CNBD1: variants seen among roughly 807,000 people sequenced by gnomAD.
CNBD1 encodes the protein cyclic nucleotide binding domain containing 1.
A neutral mutation model predicts 54.4 loss-of-function variants in CNBD1; 71 were observed. The observed-to-expected ratio is 1.30, with a 90% CI of 1.08 to 1.59. The LOEUF (loss-of-function observed/expected upper bound fraction) is 1.59. Ranked by LOEUF, CNBD1 falls within the 40% of genes most tolerant of loss-of-function variation. The pLI is 0.00. For synonymous variants in CNBD1, 182 were observed against 170.7 expected (o/e 1.07, Z -0.51); for missense variants, 659 against 518.0 (o/e 1.27, Z -2.64).
chr8:87,129,170 T>G (rs1317675924), intron 4 of CNBD1, among the ~76,000 whole-genome samples: 2 of 151,464 alleles, frequency 1.3e-5, no homozygotes, highest in Non-Finnish European at 2.9e-5. Context: ...ATCAGAATCA[T>G]TCTAGTTTCA....
chr8:87,227,128 G>C (rs1467996027), intron 5 of CNBD1, among the ~76,000 whole-genome samples: 2 of 152,240 alleles, frequency 1.3e-5, no homozygotes, highest in East Asian at 1.9e-4. Context: ...TTGAGCCCAT[G>C]TGTGTCTCTG....
chr8:87,146,745 T>C (rs1812498647), intron 4 of CNBD1, among the ~76,000 whole-genome samples: 1 of 152,160 alleles, frequency 6.6e-6, no homozygotes, highest in African/African-American at 2.4e-5. Context: ...AATCTTTTAA[T>C]TTTTCCATCT....
intron 2 of CNBD1, 87 bp downstream of exon 2, chr8:86,887,698 G>A: frequency 2.2e-6 from 2 of 925,914 alleles, no homozygotes; most frequent in East Asian, 5.4e-5. Flanking sequence ...ATAAACCATT[G>A]CTGGCTCTCA....
chr8:87,032,062 T>A (rs73273699), intron 4 of CNBD1, among the ~76,000 whole-genome samples: 4,566 of 152,272 alleles, frequency 0.03, 239 homozygotes, highest in African/African-American at 0.1. Context: ...TTTATATATC[T>A]CTAAACAAAA....
At chr8:87,356,983 C>G (rs1810432787) in intron 10 of CNBD1, among the ~76,000 whole-genome samples, 1 of 152,188 alleles carries the variant, frequency 6.6e-6, no homozygotes, top group Non-Finnish European at 1.5e-5. Context: ...TGGGCTCAAA[C>G]AGCCCCAGAT....
At chr8:86,914,590 A>G (rs1488098900) in intron 3 of CNBD1, among the ~76,000 whole-genome samples, 1 of 152,216 alleles carries the variant, frequency 6.6e-6, no homozygotes, top group African/African-American at 2.4e-5. Context: ...TTACTCAATT[A>G]ATCAAAATGA....
In CNBD1 at chr8:87,186,170, A is replaced by G. The variant is rs530900287; in HGVS notation, c.432-19823A>G. On this transcript the variant is annotated intron_variant, in intron 4 of 10. Transcript: ENST00000518476. ...TTTATTCTAATTTTAATTTTTTTCT[A>G]TAGTAATTTGGATTGACATATAATT... Among the ~76,000 whole-genome samples the G allele has an allele frequency of 1.8e-4, 27 of 152,188 alleles. No homozygotes were observed. The East Asian group carries it at 2.7e-3, about 15-fold the overall frequency.
At chr8:87,170,261 C>T (rs180834577) in intron 4 of CNBD1, among the ~76,000 whole-genome samples, 2 of 152,114 alleles carry the variant, frequency 1.3e-5, no homozygotes, top group South Asian at 2.1e-4. Flanking sequence ...GATTTTATAA[C>T]CTGCAACTTT....
intron 3 of CNBD1, among the ~76,000 whole-genome samples, chr8:86,910,855 G>T (rs1809090097): frequency 6.6e-6 from 1 of 152,184 alleles, no homozygotes; most frequent in Non-Finnish European, 1.5e-5. Flanking sequence ...GGTCCCAAGT[G>T]GGTCTTCTGG....
At chr8:87,218,978 G>GA (rs1344463986) in intron 5 of CNBD1, among the ~76,000 whole-genome samples, 1 of 151,794 alleles carries the variant, frequency 6.6e-6, no homozygotes, top group East Asian at 1.9e-4. Context: ...ATCCTTTACT[G>GA]AAAAAAGTCA....
At chr8:87,314,796 A>G (rs1457817743) in intron 8 of CNBD1, among the ~76,000 whole-genome samples, 1 of 152,004 alleles carries the variant, frequency 6.6e-6, no homozygotes, top group Non-Finnish European at 1.5e-5. Flanking sequence ...CCCAAATACT[A>G]AATATCTAGA....
Position 87,427,565 on chromosome 8 carries a change from C to T in CNBD1, c.214-981C>T, listed in dbSNP as rs569586414. Among the ~76,000 whole-genome samples, 15 of 152,108 alleles carry T rather than the reference C, an allele frequency of 9.9e-5. No homozygotes were observed. In the South Asian group the frequency reaches 3.1e-3, roughly 32 times the overall value. ...GAATAAAAATGATCAAAACAGTTTG[C>T]CCAACTATCTGAATGAGTTGTGCAC... On this transcript the variant is annotated intron_variant, in intron 2 of 7. Transcript: ENST00000521593.
At chr8:86,960,937 G>T (rs1453002630) in intron 4 of CNBD1, among the ~76,000 whole-genome samples, 1 of 152,220 alleles carries the variant, frequency 6.6e-6, no homozygotes, top group Non-Finnish European at 1.5e-5. Flanking sequence ...CTGTTAGAAG[G>T]AAAACTAACA....
chr8:87,273,789 T>C (rs1242900599), intron 6 of CNBD1, among the ~76,000 whole-genome samples: 1 of 152,096 alleles, frequency 6.6e-6, no homozygotes, highest in Non-Finnish European at 1.5e-5. Context: ...TAAATTATTA[T>C]ACTTTAAGTT....
intron 5 of CNBD1, among the ~76,000 whole-genome samples, chr8:87,222,309 A>C (rs1814357921): frequency 6.6e-6 from 1 of 152,090 alleles, no homozygotes; most frequent in South Asian, 2.1e-4. Flanking sequence ...TTATTCGACG[A>C]GTGTTTTTGC....
intron 4 of CNBD1, among the ~76,000 whole-genome samples, chr8:87,160,570 G>A (rs577959850): frequency 1.3e-5 from 2 of 152,186 alleles, no homozygotes; most frequent in East Asian, 3.9e-4. Flanking sequence ...ACAATAGGAT[G>A]TTTTAAAATT....
chr8:87,286,607 G>A lies in CNBD1; in HGVS notation c.978G>A (p.Trp326Ter), dbSNP rs1266080541. The change falls in exon 8 of 11, where the codon TGG becomes TGA. Residue 326 changes from tryptophan (W) to a stop codon, truncating the protein, a stop_gained. Transcript: ENST00000518476. LOFTEE classifies it high-confidence loss of function. ...LIRMCPYYEEWPTLSIYELIA... is the reference protein window; with the variant it reads ...LIRMCPYYEE ...GTATGTGTCCTTATTATGAGGAATG[G>A]CCTACTTTATCCATATATGAGCTAA... 6.6e-7 allele frequency: 1 copy of A among 1,511,206 alleles called. No homozygotes were observed. The highest frequency in any genetic ancestry group is 1.2e-5 in the South Asian group (1 of 83,296). 93.6% of individuals were successfully genotyped at this position (1,511,206 alleles called of 1,614,324 possible).
intron 4 of CNBD1, among the ~76,000 whole-genome samples, chr8:87,175,493 AG>A (rs1813178452): frequency 6.6e-6 from 1 of 152,130 alleles, no homozygotes. Flanking sequence ...ACTCCCTTCG[AG>A]GCAAGAAGTT....
At chr8:86,914,755 A>G (rs1183507884) in intron 3 of CNBD1, among the ~76,000 whole-genome samples, 1 of 152,260 alleles carries the variant, frequency 6.6e-6, no homozygotes, top group Non-Finnish European at 1.5e-5. Context: ...TATACTTAAC[A>G]AAATCAATAT....
Sources: allele counts gnomAD v4.1 joint callset (sites outside exome capture counted in the v4.1 genomes callset), GRCh38; gene constraint gnomAD v4.1.1; transcripts MANE v1.5; gene names NCBI Gene and HGNC (gene_info 2026-07-23, HGNC 2026-07-21).